The following CNGA1 variants were observed in gnomAD, a reference collection of about 807,000 sequenced individuals.
The protein encoded by CNGA1 is cyclic nucleotide-gated channel alpha-1.
CNGA1 carries 53 observed loss-of-function variants against 69.7 expected under a neutral mutation model. The ratio of observed to expected loss-of-function variants is 0.76; its 90% CI spans 0.61 to 0.96. The LOEUF is 0.96. CNGA1 is among the 40% of genes least tolerant of loss of function. The pLI is 0.00. For synonymous variants in CNGA1, 249 were observed against 283.5 expected (o/e 0.88, Z 1.22); for missense variants, 739 against 811.2 (o/e 0.91, Z 1.08).
At chr4:47,973,206 TAAA>T (rs572146294) in intron 3 of CNGA1, among the ~76,000 whole-genome samples, 3,914 of 151,988 alleles carry the variant, frequency 0.026, 170 homozygotes, top group African/African-American at 0.088. Context: ...TACCTGGGAT[TAAA>T]GGCACCCACC....
At chr4:48,003,073 C>G (rs1714734295) in intron 2 of CNGA1, among the ~76,000 whole-genome samples, 1 of 152,184 alleles carries the variant, frequency 6.6e-6, no homozygotes, top group South Asian at 2.1e-4. Context: ...CTCAGGAGGT[C>G]CTGATGACAT....
At chr4:47,958,864 G>A (rs1646677795) in intron 3 of CNGA1, among the ~76,000 whole-genome samples, 1 of 152,146 alleles carries the variant, frequency 6.6e-6, no homozygotes, top group Admixed American at 6.6e-5. Context: ...TCTGCACTAA[G>A]TTTTAACTGA....
At chr4:47,984,647 A>AATAT (rs1553868840) in intron 2 of CNGA1, among the ~76,000 whole-genome samples, 4 of 64,444 alleles carry the variant, frequency 6.2e-5, no homozygotes, top group African/African-American at 1.1e-4. Flanking sequence ...AAATAAAAAA[A>AATAT]ATATATATAT....
chr4:48,010,049 T>C (rs1484528563), intron 2 of CNGA1, among the ~76,000 whole-genome samples: 1 of 152,190 alleles, frequency 6.6e-6, no homozygotes, highest in Non-Finnish European at 1.5e-5. Context: ...TTTGATAACC[T>C]GTTTCACAAC....
intron 2 of CNGA1, among the ~76,000 whole-genome samples, chr4:47,982,684 A>G (rs1355720885): frequency 6.6e-6 from 1 of 152,102 alleles, no homozygotes; most frequent in African/African-American, 2.4e-5. Flanking sequence ...ATCGCTAAAT[A>G]TCTATCTAAT....
At chr4:48,014,669 G>T (rs1458456947) in intron 1 of CNGA1, among the ~76,000 whole-genome samples, 1 of 152,014 alleles carries the variant, frequency 6.6e-6, no homozygotes, top group Non-Finnish European at 1.5e-5. Flanking sequence ...GTAAAGTGGG[G>T]GTAGTAGTAT....
rs765423026 is a variant in CNGA1 at position 47,952,718 on chromosome 4, G to T, written c.-14-15C>A. ...TAGTTTCATATCTGAGGAGAAAGAAGTCTTATTAGTGGAAAGGCTATTTTT... is the reference window on the plus strand; with the variant it reads ...TAGTTTCATATCTGAGGAGAAAGAATTCTTATTAGTGGAAAGGCTATTTTT... On this transcript the variant is annotated splice_polypyrimidine_tract_variant and intron_variant, in intron 3 of 10. Transcript: ENST00000514170. 1.3e-6 allele frequency: 2 copies of T among 1,548,698 alleles called. No individual in the cohort carries two copies. Among genetic ancestry groups the T allele is most frequent in the Non-Finnish European group, 1.7e-6 (2 of 1,143,610 alleles).
chr4:48,002,579 T>C (rs757290055), intron 2 of CNGA1, among the ~76,000 whole-genome samples: 11 of 127,302 alleles, frequency 8.6e-5, no homozygotes, highest in Non-Finnish European at 1.3e-4. Flanking sequence ...GGGGTGGAGA[T>C]GAAATAGGCG....
At chr4:47,978,106 G>A (rs908121072) in intron 3 of CNGA1, among the ~76,000 whole-genome samples, 18 of 152,288 alleles carry the variant, frequency 1.2e-4, no homozygotes, top group Admixed American at 5.9e-4. Flanking sequence ...GATTACAGGC[G>A]TGAGCCACCG....
chr4:47,941,246 T>A (rs1739057191), intron 9 of CNGA1, among the ~76,000 whole-genome samples: 1 of 152,186 alleles, frequency 6.6e-6, no homozygotes, highest in South Asian at 2.1e-4. Context: ...TACCCTGACT[T>A]AATCACACTA....
chr4:47,950,897 A>G (rs984318323), intron 5 of CNGA1, among the ~76,000 whole-genome samples: 2 of 152,146 alleles, frequency 1.3e-5, no homozygotes, highest in Admixed American at 1.3e-4. Context: ...ATAACAGCCA[A>G]CCCTCTCACA....
At chr4:47,990,263 A>G (rs1742199700) in intron 2 of CNGA1, among the ~76,000 whole-genome samples, 1 of 152,038 alleles carries the variant, frequency 6.6e-6, no homozygotes, top group Non-Finnish European at 1.5e-5. Flanking sequence ...AGTAGGAGAA[A>G]TATCACTGAA....
At chr4:47,996,850 A>C (rs1742492909) in intron 2 of CNGA1, among the ~76,000 whole-genome samples, 1 of 152,090 alleles carries the variant, frequency 6.6e-6, no homozygotes, top group Non-Finnish European at 1.5e-5. Flanking sequence ...ACCTGAGGTC[A>C]GGAGTTTGAG....
intron 10 of CNGA1, among the ~76,000 whole-genome samples, chr4:47,939,021 A>AAAGAAAGAGAAAG (rs1560618907): frequency 3.4e-5 from 5 of 147,716 alleles, no homozygotes; most frequent in Admixed American, 6.6e-5. Flanking sequence ...GAGAAAGAAG[A>AAAGAAAGAGAAAG]AAGAAAGAAA....
At chr4:47,958,039 T>C (rs1343603193) in intron 3 of CNGA1, among the ~76,000 whole-genome samples, 1 of 151,626 alleles carries the variant, frequency 6.6e-6, no homozygotes, top group East Asian at 2.0e-4. Flanking sequence ...GGACTACAGG[T>C]GCGTGCCACC....
At position 48,016,618 on chromosome 4, in the gene CNGA1, C is replaced by T. The variant is rs1017628493; in HGVS notation, c.-358G>A. 4 of 543,388 alleles carry T rather than the reference C, an allele frequency of 7.4e-6. No homozygotes were observed. Among genetic ancestry groups the T allele is most frequent in the Non-Finnish European group, 1.3e-5 (4 of 312,428 alleles). 33.7% of individuals were successfully genotyped at this position (543,388 alleles called of 1,614,324 possible). On this transcript the variant is annotated 5_prime_UTR_variant, in exon 1 of 11. Coordinates refer to ENST00000514170, the MANE Select transcript of CNGA1 (RefSeq NM_001379270.1). ...GATACACCAGTTATCACAGGCCGCT[C>T]CCAGGCCTGCGGGGGCCCTGAGAAT...
chr4:47,975,845 C>G (rs2066757942), intron 3 of CNGA1, among the ~76,000 whole-genome samples: 1 of 151,816 alleles, frequency 6.6e-6, no homozygotes, highest in African/African-American at 2.4e-5. Context: ...GGTTGGAGAC[C>G]TTAATGTGTT....
chr4:47,983,804 G>A (rs777852147), intron 2 of CNGA1, among the ~76,000 whole-genome samples: 17 of 152,140 alleles, frequency 1.1e-4, no homozygotes, highest in Non-Finnish European at 2.4e-4. Context: ...CTGTGAAGTA[G>A]AAAAGGTATC....
chr4:47,990,252 G>A (rs572222279), intron 2 of CNGA1, among the ~76,000 whole-genome samples: 9 of 152,160 alleles, frequency 5.9e-5, no homozygotes, highest in Admixed American at 1.3e-4. Flanking sequence ...TGCAGAAAGC[G>A]AGTAGGAGAA....
Sources: allele counts gnomAD v4.1 joint callset (sites outside exome capture counted in the v4.1 genomes callset), GRCh38; gene constraint gnomAD v4.1.1; transcripts MANE v1.5; gene names NCBI Gene and HGNC (gene_info 2026-07-23, HGNC 2026-07-21).